Variants in KLHL7 observed in about 807,000 individuals in gnomAD.
KLHL7 encodes kelch-like protein 7.
In KLHL7, 44 loss-of-function variants were observed where a neutral mutation model predicts 67.4. The ratio of observed to expected loss-of-function variants is 0.65; its 90% CI spans 0.51 to 0.84. The LOEUF (loss-of-function observed/expected upper bound fraction) is 0.84. KLHL7 is among the 40% of genes least tolerant of loss of function. The pLI, the probability that KLHL7 is intolerant of heterozygous loss-of-function variation, is 0.00. For synonymous variants in KLHL7, 252 were observed against 243.3 expected, an observed-to-expected ratio of 1.04 and a Z score of -0.33; for missense variants, 362 against 718.1, an observed-to-expected ratio of 0.50 and a Z score of 5.67.
In KLHL7 at chr7:23,105,854, C is replaced by G; in HGVS notation, c.-173C>G. On this transcript the variant is annotated 5_prime_UTR_variant, in exon 1 of 11. Transcript: ENST00000339077. ...GAGCGTTTCTAAGGGGGCCGCCCGG[C>G]CTTGTCTTTCGGCAGTGGCCGAGCC... The G allele has an allele frequency of 1.0e-6, 1 of 969,488 alleles. No individual in the cohort carries two copies. The highest frequency in any genetic ancestry group is 1.6e-6 in the Non-Finnish European group (1 of 640,490). 60.1% of individuals were successfully genotyped at this position (969,488 alleles called of 1,614,324 possible). A position where few individuals can be genotyped will look rare whatever the true frequency, so the allele number is the denominator to read the frequency against.
chr7:23,155,678 C>T (rs1457688575), intron 7 of KLHL7, among the ~76,000 whole-genome samples: 1 of 150,752 alleles, frequency 6.6e-6, no homozygotes, highest in African/African-American at 2.4e-5. Context: ...CAAAACAAAA[C>T]AAAACAAAAC....
intron 8 of KLHL7, among the ~76,000 whole-genome samples, chr7:23,166,806 C>G (rs1208519160): frequency 6.6e-6 from 1 of 152,044 alleles, no homozygotes; most frequent in Non-Finnish European, 1.5e-5. Flanking sequence ...TGTGGTACTG[C>G]AGATAACTTC....
intron 1 of KLHL7, chr7:23,106,598 C>T: frequency 9.6e-7 from 1 of 1,037,652 alleles, no homozygotes; most frequent in South Asian, 3.4e-5. Context: ...TAAGGATCCC[C>T]GCCCCCTCCT....
Position 23,140,588 on chromosome 7 carries a change from A to AC in KLHL7, c.443-179dup, listed in dbSNP as rs201110437. On this transcript the variant is annotated intron_variant, in intron 4 of 10. Transcript: ENST00000339077. ...CAAAAAAACAAAAAACAAAAAAAAA[A>AC]CCAGTCTTTTATAAGACAGTATAGT... The AC allele has an allele frequency of 5.3e-5, 36 of 683,320 alleles. 2 individuals carry two copies. Among genetic ancestry groups the AC allele is most frequent in the Admixed American group, 4.2e-4 (17 of 40,446 alleles). The allele number at this position is 683,320 out of a possible 1,614,324, so 42.3% of individuals were successfully genotyped here.
intron 6 of KLHL7, among the ~76,000 whole-genome samples, chr7:23,149,414 C>A (rs1180178538): frequency 6.6e-6 from 1 of 152,194 alleles, no homozygotes. Context: ...AAACAGTTCC[C>A]TCTTGTCTCT....
At chr7:23,111,807 T>A (rs1583634279) in intron 1 of KLHL7, among the ~76,000 whole-genome samples, 2 of 116,452 alleles carry the variant, frequency 1.7e-5, no homozygotes, top group East Asian at 2.4e-4. Flanking sequence ...GGAGACAGAG[T>A]GAGACTCCGT....
intron 1 of KLHL7, among the ~76,000 whole-genome samples, chr7:23,118,495 G>T (rs1783191727): frequency 6.6e-6 from 1 of 152,132 alleles, no homozygotes; most frequent in East Asian, 1.9e-4. Flanking sequence ...TCCCACTTTT[G>T]GGGCAGACCT....
At chr7:23,173,088 G>C in intron 10 of KLHL7, 43 bp downstream of exon 10, 1 of 1,347,052 alleles carries the variant, frequency 7.4e-7, no homozygotes, top group Non-Finnish European at 1.1e-6. Flanking sequence ...TGATGAGTTT[G>C]CTGATACTTC....
chr7:23,174,242 T>G lies in KLHL7; in HGVS notation c.1705T>G (p.Cys569Gly). The G allele has an allele frequency of 6.2e-7, 1 of 1,614,158 alleles. No homozygotes were observed. Among genetic ancestry groups the G allele is most frequent in the Non-Finnish European group, 8.5e-7 (1 of 1,180,006 alleles). ...SKVRAFPVTS[C>G]LICVVDTCGA... ...AGTTCGTGCTTTTCCAGTCACAAGT[T>G]GTTTAATTTGTGTTGTCGATACTTG... Residue 569 changes from cysteine to glycine, a missense_variant, in exon 11 of 11, where the codon TGT becomes GGT. Physicochemically the swap from Cys to Gly is radical, Grantham distance 159 (BLOSUM62 -3). Coordinates refer to ENST00000339077, the MANE Select transcript of KLHL7 (RefSeq NM_001031710.3).
intron 9 of KLHL7, among the ~76,000 whole-genome samples, chr7:23,170,274 A>T (rs1043074575): frequency 6.6e-6 from 1 of 152,172 alleles, no homozygotes; most frequent in Non-Finnish European, 1.5e-5. Flanking sequence ...TTTTTTAATA[A>T]GAATTTCTTC....
At chr7:23,136,918 TCTTGA>T (rs781535261) in intron 4 of KLHL7, among the ~76,000 whole-genome samples, 1 of 152,196 alleles carries the variant, frequency 6.6e-6, no homozygotes, top group African/African-American at 2.4e-5. Flanking sequence ...TTTTATTCTT[TCTTGA>T]CTTATGTATC....
intron 1 of KLHL7, among the ~76,000 whole-genome samples, chr7:23,117,529 C>G (rs1054122599): frequency 6.6e-6 from 1 of 152,200 alleles, no homozygotes; most frequent in Non-Finnish European, 1.5e-5. Flanking sequence ...CTTTGCAAAG[C>G]TGTTTGGCCT....
rs1359094819 is a variant in KLHL7 at position 23,174,528 on chromosome 7, G to A, written c.*230G>A. The A allele has an allele frequency of 9.1e-6, 6 of 656,452 alleles. No homozygotes were observed. Among genetic ancestry groups the A allele is most frequent in the African/African-American group, 5.3e-5 (3 of 56,268 alleles). The allele number at this position is 656,452 out of a possible 1,614,324, so 40.7% of individuals were successfully genotyped here. A position where few individuals can be genotyped will look rare whatever the true frequency, so the allele number is the denominator to read the frequency against. ...ATATCTAGCAAGAAAACTTGAAAAAGTATAAGCATTTGTTAAAAATGTGAA... is the reference window on the plus strand; with the variant it reads ...ATATCTAGCAAGAAAACTTGAAAAAATATAAGCATTTGTTAAAAATGTGAA... On this transcript the variant is annotated 3_prime_UTR_variant, in exon 11 of 11. Coordinates refer to ENST00000339077, the MANE Select transcript of KLHL7 (RefSeq NM_001031710.3).
chr7:23,136,141 GAGAA>G (rs1405483648), intron 4 of KLHL7, among the ~76,000 whole-genome samples: 88 of 152,304 alleles, frequency 5.8e-4, no homozygotes, highest in African/African-American at 2.1e-3. Flanking sequence ...AGAAAAGAAA[GAGAA>G]TCAGAATGCC....
chr7:23,117,080 C>A (rs963936935), intron 1 of KLHL7, among the ~76,000 whole-genome samples: 1 of 86,424 alleles, frequency 1.2e-5, no homozygotes, highest in Non-Finnish European at 2.6e-5. Flanking sequence ...TAGAGCCAGG[C>A]CTTTTTTTTT....
chr7:23,110,992 G>A (rs1352655119), intron 1 of KLHL7, among the ~76,000 whole-genome samples: 1 of 152,074 alleles, frequency 6.6e-6, no homozygotes, highest in Admixed American at 6.5e-5. Flanking sequence ...TTCTGGGGTT[G>A]CAATGATAAG....
At chr7:23,162,025 G>C (rs78693046) in intron 7 of KLHL7, among the ~76,000 whole-genome samples, 73 of 152,320 alleles carry the variant, frequency 4.8e-4, no homozygotes, top group African/African-American at 1.7e-3. Context: ...TGATTTTATA[G>C]ATGAGTCTGT....
At chr7:23,153,777 T>G (rs1784612466) in intron 7 of KLHL7, among the ~76,000 whole-genome samples, 1 of 152,190 alleles carries the variant, frequency 6.6e-6, no homozygotes, top group Non-Finnish European at 1.5e-5. Context: ...TTAGAAAGAT[T>G]TCTCCTACTC....
At chr7:23,164,431 T>C (rs775363824) in intron 7 of KLHL7, among the ~76,000 whole-genome samples, 1 of 152,218 alleles carries the variant, frequency 6.6e-6, no homozygotes, top group Non-Finnish European at 1.5e-5. Flanking sequence ...ATGATCATTA[T>C]TTTATCTCTT....
Sources: gnomAD v4.1 joint callset for allele counts (sites outside exome capture counted in the v4.1 genomes callset) on GRCh38, gnomAD v4.1.1 for gene constraint, MANE v1.5 for transcripts, NCBI Gene and HGNC (gene_info 2026-07-23, HGNC 2026-07-21) for gene names.